Variants in GLIS3 observed in about 807,000 individuals in gnomAD.
The protein encoded by GLIS3 is zinc finger protein GLIS3.
Under a neutral mutation model 78.6 loss-of-function variants are expected in GLIS3, and 53 were observed. The observed-to-expected ratio is 0.67, with a 90% CI of 0.54 to 0.85. GLIS3 has a LOEUF of 0.85. Among genes scored for constraint, GLIS3 ranks in the 40% least tolerant of loss-of-function variants. The pLI, the probability that GLIS3 is intolerant of heterozygous loss-of-function variation, is 0.00. For synonymous variants in GLIS3, 684 were observed against 509.9 expected (o/e 1.34, Z -4.60); for missense variants, 1,703 against 1,231.1 (o/e 1.38, Z -5.74).
At chr9:4,423,278 G>T in the GLIS3 span, among the ~76,000 whole-genome samples, 1 of 152,070 alleles carries the variant, frequency 6.6e-6, no homozygotes, top group Admixed American at 6.6e-5. Flanking sequence ...TAATTTTCAG[G>T]GAGCTGAAGC....
At chr9:4,469,231 A>G in the GLIS3 span, among the ~76,000 whole-genome samples, 2 of 152,146 alleles carry the variant, frequency 1.3e-5, no homozygotes, top group Non-Finnish European at 2.9e-5. Flanking sequence ...GATCAATGAG[A>G]CAGAAAGTTA....
At chr9:4,374,367 T>C in the GLIS3 span, among the ~76,000 whole-genome samples, 2 of 152,366 alleles carry the variant, frequency 1.3e-5, no homozygotes, top group East Asian at 3.9e-4. Context: ...CTTTTGACTG[T>C]TCTCCGGGCT....
intron 4 of GLIS3, among the ~76,000 whole-genome samples, chr9:4,082,042 T>C (rs1216216546): frequency 1.3e-5 from 2 of 152,210 alleles, no homozygotes; most frequent in Non-Finnish European, 2.9e-5. Context: ...AGAATCGGAA[T>C]GGGAGCCCCA....
At chr9:3,876,970 G>C (rs1304431116) in intron 8 of GLIS3, among the ~76,000 whole-genome samples, 1 of 151,972 alleles carries the variant, frequency 6.6e-6, no homozygotes, top group Non-Finnish European at 1.5e-5. Context: ...TGTTGTCTTT[G>C]ACTCTGATAA....
chr9:3,933,417 A>G (rs1224333495), intron 5 of GLIS3, among the ~76,000 whole-genome samples: 1 of 152,186 alleles, frequency 6.6e-6, no homozygotes, highest in African/African-American at 2.4e-5. Context: ...ATCCATTCAC[A>G]TTTCAGCACC....
At chr9:4,186,878 G>A (rs1321799985) in intron 2 of GLIS3, among the ~76,000 whole-genome samples, 3 of 152,086 alleles carry the variant, frequency 2.0e-5, no homozygotes, top group African/African-American at 7.2e-5. Flanking sequence ...TGAGTTCATT[G>A]TAGATTCTGG....
At chr9:3,941,467 G>A (rs369567923) in intron 4 of GLIS3, among the ~76,000 whole-genome samples, 45 of 152,084 alleles carry the variant, frequency 3.0e-4, no homozygotes, top group Middle Eastern at 6.8e-3. Context: ...ATGCTGGTGC[G>A]CTGCACTTTA....
intron 4 of GLIS3, among the ~76,000 whole-genome samples, chr9:4,018,228 G>C (rs1225292594): frequency 6.6e-6 from 1 of 152,200 alleles, no homozygotes; most frequent in African/African-American, 2.4e-5. Flanking sequence ...CCTCACAGGA[G>C]GAGAACTGAA....
At chr9:3,911,397 T>A (rs117620755) in intron 6 of GLIS3, among the ~76,000 whole-genome samples, 3 of 152,234 alleles carry the variant, frequency 2.0e-5, no homozygotes, top group East Asian at 3.8e-4. Flanking sequence ...GAACCTCTTC[T>A]TGGCTACATT....
intron 4 of GLIS3, among the ~76,000 whole-genome samples, chr9:4,087,598 C>T (rs890061758): frequency 2.6e-5 from 4 of 151,960 alleles, no homozygotes; most frequent in Non-Finnish European, 5.9e-5. Flanking sequence ...GCTCTGGCCT[C>T]ATAGAGCTTA....
intron 7 of GLIS3, among the ~76,000 whole-genome samples, chr9:3,886,859 C>T (rs1042989896): frequency 2.6e-5 from 4 of 152,142 alleles, no homozygotes; most frequent in African/African-American, 9.6e-5. Flanking sequence ...AATTGGAGAA[C>T]GAGAGAGAGG....
At chr9:4,300,241 C>CACACACAT (rs1554653835), upstream of GLIS3, among the ~76,000 whole-genome samples, 37 of 151,806 alleles carry the variant, frequency 2.4e-4, no homozygotes, top group African/African-American at 8.2e-4. Flanking sequence ...CACACACACA[C>CACACACAT]ACACACTCCC....
intron 9 of GLIS3, among the ~76,000 whole-genome samples, chr9:3,836,522 A>G (rs1818362597): frequency 6.6e-6 from 1 of 152,098 alleles, no homozygotes; most frequent in African/African-American, 2.4e-5. Context: ...TTGCCTTCAG[A>G]TTTCTTCTTT....
intron 4 of GLIS3, among the ~76,000 whole-genome samples, chr9:4,063,756 G>C (rs367663316): frequency 2.0e-5 from 3 of 152,148 alleles, no homozygotes; most frequent in Non-Finnish European, 4.4e-5. Flanking sequence ...AATTAAGGCA[G>C]ATGAGAGTTC....
At chr9:4,034,290 A>C (rs1824126413) in intron 4 of GLIS3, among the ~76,000 whole-genome samples, 1 of 152,172 alleles carries the variant, frequency 6.6e-6, no homozygotes, top group African/African-American at 2.4e-5. Flanking sequence ...AACAGAAAAC[A>C]AGTTAGAAAC....
intron 2 of GLIS3, among the ~76,000 whole-genome samples, chr9:4,319,834 C>T (rs1034242349): frequency 6.6e-6 from 1 of 152,078 alleles, no homozygotes; most frequent in South Asian, 2.1e-4. Context: ...ACCCCAATAA[C>T]GTTATTGAAA....
intron 4 of GLIS3, among the ~76,000 whole-genome samples, chr9:3,978,675 T>C (rs1419816963): frequency 1.3e-5 from 2 of 152,048 alleles, no homozygotes; most frequent in African/African-American, 4.8e-5. Flanking sequence ...ACATGTACTT[T>C]CTATATATGA....
At chr9:4,199,476 A>T (rs898890252) in intron 2 of GLIS3, among the ~76,000 whole-genome samples, 1 of 149,428 alleles carries the variant, frequency 6.7e-6, no homozygotes, top group Non-Finnish European at 1.5e-5. Flanking sequence ...GTTTATATAT[A>T]TAAGTTATAT....
chr9:4,084,534 G>C (rs923107374), intron 4 of GLIS3, among the ~76,000 whole-genome samples: 1 of 152,160 alleles, frequency 6.6e-6, no homozygotes, highest in African/African-American at 2.4e-5. Context: ...GGAGGTGGAA[G>C]TGGGTGACGG....
Sources: allele counts gnomAD v4.1 joint callset (sites outside exome capture counted in the v4.1 genomes callset), GRCh38; gene constraint gnomAD v4.1.1; transcripts MANE v1.5; gene names NCBI Gene and HGNC (gene_info 2026-07-23, HGNC 2026-07-21).